Variants in MBNL1 observed in about 807,000 individuals in gnomAD.
MBNL1 encodes the protein muscleblind-like protein 1.
Under a neutral mutation model 42.2 loss-of-function variants are expected in MBNL1, and 8 were observed. The observed-to-expected ratio is 0.19, with a 90% CI of 0.11 to 0.34. The LOEUF (loss-of-function observed/expected upper bound fraction) is 0.34. Ranked by LOEUF, MBNL1 falls within the 10% of genes least tolerant of loss-of-function variation. The probability of loss-of-function intolerance (pLI) is 1.00; values close to 1 mark genes in which losing one functional copy is unlikely to be tolerated. For synonymous variants in MBNL1, 169 were observed against 173.9 expected, an observed-to-expected ratio of 0.97 and a Z score of 0.22; for missense variants, 309 against 495.3, an observed-to-expected ratio of 0.62 and a Z score of 3.57.
At chr3:152,255,075 T>G (rs1235336278) in intron 2 of MBNL1, among the ~76,000 whole-genome samples, 2 of 152,178 alleles carry the variant, frequency 1.3e-5, no homozygotes, top group Non-Finnish European at 2.9e-5. Flanking sequence ...GATGCAGTCC[T>G]AAGCCAGAAA....
intron 3 of MBNL1, among the ~76,000 whole-genome samples, chr3:152,427,851 TA>T (rs1245561385): frequency 1.3e-5 from 2 of 151,378 alleles, no homozygotes; most frequent in African/African-American, 4.8e-5. Flanking sequence ...TAATATGACT[TA>T]AAATTTGTGA....
chr3:152,288,632 A>C (rs1433705353), intron 1 of MBNL1, among the ~76,000 whole-genome samples: 2 of 152,216 alleles, frequency 1.3e-5, no homozygotes, highest in African/African-American at 4.8e-5. Flanking sequence ...GATTTCCCAA[A>C]TACAACATGC....
intron 2 of MBNL1, among the ~76,000 whole-genome samples, chr3:152,371,658 A>G (rs988027314): frequency 1.3e-5 from 2 of 152,200 alleles, no homozygotes; most frequent in Admixed American, 6.5e-5. Context: ...GTGTTTCCGC[A>G]GAGAAATCCA....
chr3:152,356,315 A>G (rs1292106454), intron 2 of MBNL1, among the ~76,000 whole-genome samples: 1 of 151,780 alleles, frequency 6.6e-6, no homozygotes. Flanking sequence ...CACAGTTTTT[A>G]TGTGCCACCA....
rs1185721668 is a variant in MBNL1 at position 152,463,695 on chromosome 3, A to G, written c.*1329A>G. On this transcript the variant is annotated 3_prime_UTR_variant, in exon 10 of 10. Coordinates refer to ENST00000324210, the MANE Select transcript of MBNL1 (RefSeq NM_021038.5). ...TAGAAAGCCTTTTACAAAATTAAAA[A>G]AAAAATAGATGTGCATTCAGTTTTT... 1.3e-5 allele frequency: 2 copies of G among 152,442 alleles called. No individual in the cohort carries two copies. The highest frequency in any genetic ancestry group is 3.8e-4 in the East Asian group (2 of 5,204). 9.4% of individuals were successfully genotyped at this position (152,442 alleles called of 1,614,324 possible).
chr3:152,290,259 T>G (rs1468671246), intron 1 of MBNL1, among the ~76,000 whole-genome samples: 1 of 151,946 alleles, frequency 6.6e-6, no homozygotes, highest in Admixed American at 6.6e-5. Flanking sequence ...GTGGCAACTA[T>G]TAAGTTTGAT....
intron 2 of MBNL1, among the ~76,000 whole-genome samples, chr3:152,391,112 G>A (rs1407214135): frequency 6.6e-6 from 1 of 152,202 alleles, no homozygotes; most frequent in Non-Finnish European, 1.5e-5. Context: ...AGAAACAGAG[G>A]TTTAGAGGAT....
At chr3:152,394,087 T>C (rs2097833844) in intron 2 of MBNL1, among the ~76,000 whole-genome samples, 2 of 152,212 alleles carry the variant, frequency 1.3e-5, no homozygotes, top group Admixed American at 1.3e-4. Flanking sequence ...AAACCAAGAT[T>C]GTTGGGTAGA....
chr3:152,253,318 A>G (rs991221380), intron 2 of MBNL1, among the ~76,000 whole-genome samples: 5 of 152,002 alleles, frequency 3.3e-5, no homozygotes, highest in African/African-American at 1.2e-4. Flanking sequence ...CCTACACTCC[A>G]TCTATCAGCA....
rs1354471765 is a variant in MBNL1 at position 152,299,867 on chromosome 3, T to A, written c.-327T>A. On this transcript the variant is annotated 5_prime_UTR_variant, in exon 2 of 10. Transcript: ENST00000324210. ...CATGCTTGCATTTTGGGCTCCAAAT[T>A]GGCACTGGGAAGGGGTTACTGAGAG... 1 of 401,144 alleles carries A rather than the reference T, an allele frequency of 2.5e-6. No individual in the cohort carries two copies. Among genetic ancestry groups the A allele is most frequent in the African/African-American group, 2.1e-5 (1 of 48,620 alleles). The allele number at this position is 401,144 out of a possible 1,614,324, so 24.8% of individuals were successfully genotyped here.
At position 152,398,984 on chromosome 3, in the gene MBNL1, A is replaced by G. The variant is rs192974840; in HGVS notation, c.175-15957A>G. On this transcript the variant is annotated intron_variant, in intron 2 of 9. Transcript: ENST00000324210. Reference sequence around the variant, plus strand: ...TATTACCTGATACTTCTAAATGGAAATAGTCCCCTTGTCTTTAAAATTACC... The same window carrying G: ...TATTACCTGATACTTCTAAATGGAAGTAGTCCCCTTGTCTTTAAAATTACC... 2.6e-5 allele frequency among the ~76,000 whole-genome samples: 4 copies of G among 152,330 alleles called. No homozygotes were observed. The East Asian group carries it at 7.7e-4, about 29-fold the overall frequency.
In MBNL1 at chr3:152,311,146, T is replaced by C. The variant is rs2066233729; in HGVS notation, c.174+10779T>C. ...GCCTCAGCCTCCTGAGTAGCTGGGA[T>C]TACAGGCATGCACCACCATGCCCAG... On this transcript the variant is annotated intron_variant, in intron 2 of 9. Coordinates refer to ENST00000324210, the MANE Select transcript of MBNL1 (RefSeq NM_021038.5). Among the ~76,000 whole-genome samples the C allele has an allele frequency of 2.0e-5, 3 of 151,520 alleles. No homozygotes were observed. In the South Asian group the frequency reaches 6.2e-4, roughly 32 times the overall value.
chr3:152,316,847 C>G (rs1313694198), intron 2 of MBNL1, among the ~76,000 whole-genome samples: 2 of 152,012 alleles, frequency 1.3e-5, no homozygotes, highest in Non-Finnish European at 2.9e-5. Flanking sequence ...TTTTCTTCCT[C>G]CTCTTCCTTC....
chr3:152,244,236 A>G (rs1469641467), intron 1 of MBNL1: 1 of 152,232 alleles, frequency 6.6e-6, no homozygotes, highest in Non-Finnish European at 1.5e-5. Flanking sequence ...AGCTTTATGA[A>G]TAATTTTCCA....
intron 7 of MBNL1, 40 bp downstream of exon 7, chr3:152,455,617 G>A (rs373999840): frequency 5.9e-5 from 93 of 1,589,268 alleles, no homozygotes; most frequent in Non-Finnish European, 7.9e-5. Context: ...TTAAACCTAT[G>A]GTGTACCTCA....
intron 2 of MBNL1, chr3:152,337,911 C>G: frequency 5.9e-6 from 1 of 169,128 alleles, no homozygotes; most frequent in Non-Finnish European, 1.2e-5. Context: ...AACCTTCTCT[C>G]TGTCTTTCCG....
intron 3 of MBNL1, among the ~76,000 whole-genome samples, chr3:152,416,840 TAA>T (rs2098710332): frequency 6.6e-6 from 1 of 152,250 alleles, no homozygotes; most frequent in African/African-American, 2.4e-5. Context: ...GTGAAATCAC[TAA>T]ATCACAGATT....
chr3:152,402,204 G>C (rs1354470219), intron 2 of MBNL1, among the ~76,000 whole-genome samples: 1 of 152,090 alleles, frequency 6.6e-6, no homozygotes, highest in Non-Finnish European at 1.5e-5. Flanking sequence ...GGAACCAGGG[G>C]TTGCAAGGTA....
At chr3:152,361,849 C>T (rs1487835599) in intron 2 of MBNL1, among the ~76,000 whole-genome samples, 1 of 152,088 alleles carries the variant, frequency 6.6e-6, no homozygotes, top group Non-Finnish European at 1.5e-5. Context: ...ATAAATTATC[C>T]AGATTATTGA....
Sources: allele counts gnomAD v4.1 joint callset (sites outside exome capture counted in the v4.1 genomes callset), GRCh38; gene constraint gnomAD v4.1.1; transcripts MANE v1.5; gene names NCBI Gene and HGNC (gene_info 2026-07-23, HGNC 2026-07-21).